Variants in PKP4 observed in about 807,000 individuals in gnomAD.
The protein encoded by PKP4 is plakophilin-4.
In PKP4, 90 loss-of-function variants were observed where a neutral mutation model predicts 145.1. The observed-to-expected ratio is 0.62, with a 90% CI of 0.52 to 0.74. The LOEUF is 0.74. Ranked by LOEUF, PKP4 falls within the 30% of genes least tolerant of loss-of-function variation. The pLI, the probability that PKP4 is intolerant of heterozygous loss-of-function variation, is 0.00. For synonymous variants in PKP4, 563 were observed against 577.2 expected (o/e 0.98, Z 0.35); for missense variants, 1,340 against 1,482.7 (o/e 0.90, Z 1.58).
intron 2 of PKP4, among the ~76,000 whole-genome samples, chr2:158,554,647 G>T (rs938415905): frequency 2.0e-5 from 3 of 151,960 alleles, no homozygotes; most frequent in African/African-American, 7.3e-5. Context: ...GGATGGTCTC[G>T]ATCTCCTGAC....
chr2:158,579,578 C>A (rs769521481), intron 3 of PKP4, among the ~76,000 whole-genome samples: 18 of 152,012 alleles, frequency 1.2e-4, no homozygotes, highest in Non-Finnish European at 1.9e-4. Context: ...CAGGTGTGCA[C>A]AGTAAAACAG....
chr2:158,582,418 T>C (rs113461576), intron 3 of PKP4, among the ~76,000 whole-genome samples: 1,703 of 152,286 alleles, frequency 0.011, 34 homozygotes, highest in African/African-American at 0.038. Flanking sequence ...GTTGGGAAAT[T>C]AGGGCAAAAA....
intron 11 of PKP4, among the ~76,000 whole-genome samples, chr2:158,652,353 T>G (rs1489590405): frequency 1.3e-5 from 2 of 152,090 alleles, no homozygotes; most frequent in Admixed American, 6.5e-5. Context: ...GTATGAGGTG[T>G]GTAACTTTAA....
chr2:158,530,979 C>T (rs752298040), intron 1 of PKP4, among the ~76,000 whole-genome samples: 5 of 152,122 alleles, frequency 3.3e-5, no homozygotes, highest in South Asian at 2.1e-4. Context: ...TACATCTTGC[C>T]GTACTCTGCC....
Position 158,555,168 on chromosome 2 carries a change from C to A in PKP4, c.132+21852C>A, listed in dbSNP as rs374445810. On this transcript the variant is annotated intron_variant, in intron 2 of 21. Transcript: ENST00000389759. ...ATCAGCAAAAATGATCTGTACCAAT[C>A]CCTAGTGACCTGTACCAGTCTTATG... Among the ~76,000 whole-genome samples, 138 of 152,300 alleles carry A rather than the reference C, an allele frequency of 9.1e-4. 2 individuals carry two copies. Among genetic ancestry groups the A allele is most frequent in the African/African-American group, 2.8e-3 (115 of 41,568 alleles).
At chr2:158,505,336 C>T (rs1206718622) in intron 1 of PKP4, among the ~76,000 whole-genome samples, 1 of 152,056 alleles carries the variant, frequency 6.6e-6, no homozygotes, top group Non-Finnish European at 1.5e-5. Context: ...GAAGTGATCA[C>T]CAGAGTATTA....
At chr2:158,609,115 C>G (rs2050910773) in intron 4 of PKP4, among the ~76,000 whole-genome samples, 1 of 151,894 alleles carries the variant, frequency 6.6e-6, no homozygotes, top group Admixed American at 6.6e-5. Context: ...CTGCACTGGC[C>G]CATATTTCCT....
intron 1 of PKP4, among the ~76,000 whole-genome samples, chr2:158,477,869 A>T (rs996486753): frequency 6.6e-6 from 1 of 152,202 alleles, no homozygotes; most frequent in South Asian, 2.1e-4. Flanking sequence ...AAAAAAAACC[A>T]AAAGTCCAAA....
rs2057101670 is a variant in PKP4, at chr2:158,666,541, T to C, written c.2706T>C (p.Asp902=). The C allele has an allele frequency of 6.2e-7, 1 of 1,612,690 alleles. No individual in the cohort carries two copies. The highest frequency in any genetic ancestry group is 8.5e-7 in the Non-Finnish European group (1 of 1,179,464). The stretch of plus-strand genomic sequence containing the variant: ...CAGCCTTGAGGAATATGGCACTAGA[T>C]GTTCGCAACAAGGAGCTCATAGGTA... ...VATALRNMAL[D]VRNKELIGKY... The change falls in exon 16 of 22, where the codon GAT becomes GAC. Residue 902 remains aspartate (D), a synonymous_variant. Coordinates refer to ENST00000389759, the MANE Select transcript of PKP4 (RefSeq NM_003628.6).
chr2:158,620,264 C>T (rs998264337), intron 4 of PKP4, among the ~76,000 whole-genome samples: 5 of 151,818 alleles, frequency 3.3e-5, no homozygotes, highest in Admixed American at 3.3e-4. Context: ...GAAAAGGAAG[C>T]ATGATCTACA....
At chr2:158,552,804 G>A (rs913362075) in intron 2 of PKP4, among the ~76,000 whole-genome samples, 1 of 152,070 alleles carries the variant, frequency 6.6e-6, no homozygotes, top group East Asian at 1.9e-4. Context: ...ATGTACATGC[G>A]TTATGTCTAA....
At chr2:158,640,517 A>G in intron 9 of PKP4, 110 bp from the exon 10 acceptor site, 2 of 1,171,490 alleles carry the variant, frequency 1.7e-6, no homozygotes, top group East Asian at 4.8e-5. Context: ...GATTTTTGTA[A>G]CTTCCCATTT....
At chr2:158,571,352 A>G (rs1444210372) in intron 2 of PKP4, among the ~76,000 whole-genome samples, 1 of 152,194 alleles carries the variant, frequency 6.6e-6, no homozygotes, top group Admixed American at 6.5e-5. Flanking sequence ...TAAGGGGGCT[A>G]TGGTTGCGGA....
rs144744972 is a variant in PKP4, at chr2:158,677,095, T to C, written c.3256+228T>C. 1.8e-3 allele frequency: 949 copies of C among 533,644 alleles called. 4 individuals carry two copies. The highest frequency in any genetic ancestry group is 0.016 in the African/African-American group (855 of 52,476). The allele number at this position is 533,644 out of a possible 1,614,324, so 33.1% of individuals were successfully genotyped here. A position where few individuals can be genotyped will look rare whatever the true frequency, so the allele number is the denominator to read the frequency against. On this transcript the variant is annotated intron_variant, in intron 20 of 21. Transcript: ENST00000389759. ...TGTATGTATGTATGTAGTTGTACGGTGGGCACAAATAAAAAGAGGGCTGTA... is the reference window on the plus strand; with the variant it reads ...TGTATGTATGTATGTAGTTGTACGGCGGGCACAAATAAAAAGAGGGCTGTA...
rs1395300605 is a variant in PKP4, at chr2:158,607,389, A to C, written c.280+4285A>C. Reference sequence around the variant, plus strand: ...CAGAACCCATGCCAGGTAGTTCAACATACGGAATTTGATACAGAAAATGTA... The same window carrying C: ...CAGAACCCATGCCAGGTAGTTCAACCTACGGAATTTGATACAGAAAATGTA... On this transcript the variant is annotated intron_variant, in intron 4 of 21. Coordinates refer to ENST00000389759, the MANE Select transcript of PKP4 (RefSeq NM_003628.6). Among the ~76,000 whole-genome samples, 4 of 152,306 alleles carry C rather than the reference A, an allele frequency of 2.6e-5. No individual in the cohort carries two copies. In the Middle Eastern group the frequency reaches 0.01, roughly 389 times the overall value.
Position 158,557,782 on chromosome 2 carries a change from G to A in PKP4, c.133-19489G>A, listed in dbSNP as rs546198170. 2.6e-5 allele frequency among the ~76,000 whole-genome samples: 4 copies of A among 152,310 alleles called. No homozygotes were observed. In the South Asian group the frequency reaches 8.3e-4, roughly 32 times the overall value. On this transcript the variant is annotated intron_variant, in intron 2 of 21. Coordinates refer to ENST00000389759, the MANE Select transcript of PKP4 (RefSeq NM_003628.6). ...GAGAGATGGAACAGGACCTGTTTACGTTTGTGTGTGGAAGGTGATGGAGCT... is the reference window on the plus strand; with the variant it reads ...GAGAGATGGAACAGGACCTGTTTACATTTGTGTGTGGAAGGTGATGGAGCT...
Position 158,599,172 on chromosome 2 carries a change from C to T in PKP4, c.246-3898C>T, listed in dbSNP as rs1301002671. 5.3e-5 allele frequency among the ~76,000 whole-genome samples: 8 copies of T among 152,098 alleles called. No homozygotes were observed. In the South Asian group the frequency reaches 1.2e-3, roughly 24 times the overall value. ...TGTTTGAAAAAAATCGCAGTAGTAG[C>T]AGCGTGGAAGAGAGCCTGGCAGGAT... On this transcript the variant is annotated intron_variant, in intron 3 of 21. Coordinates refer to ENST00000389759, the MANE Select transcript of PKP4 (RefSeq NM_003628.6).
intron 1 of PKP4, among the ~76,000 whole-genome samples, chr2:158,480,090 A>G (rs1044434728): frequency 6.6e-6 from 1 of 152,224 alleles, no homozygotes; most frequent in African/African-American, 2.4e-5. Flanking sequence ...TCCCTAGGTC[A>G]GGAGTACACG....
intron 1 of PKP4, among the ~76,000 whole-genome samples, chr2:158,522,633 A>C (rs373581738): frequency 6.6e-6 from 1 of 152,204 alleles, no homozygotes; most frequent in Non-Finnish European, 1.5e-5. Flanking sequence ...AGGAGCCAAG[A>C]TGGCCGAATA....
Sources: gnomAD v4.1 joint callset for allele counts (sites outside exome capture counted in the v4.1 genomes callset) on GRCh38, gnomAD v4.1.1 for gene constraint, MANE v1.5 for transcripts, NCBI Gene and HGNC (gene_info 2026-07-23, HGNC 2026-07-21) for gene names.